The following PRELID2 variants were observed in gnomAD, a reference collection of about 807,000 sequenced individuals.
PRELID2 encodes the protein PRELI domain containing 2.
PRELID2 carries 25 observed loss-of-function variants against 28.4 expected under a neutral mutation model. The observed-to-expected ratio is 0.88, with a 90% CI of 0.64 to 1.23. The LOEUF (loss-of-function observed/expected upper bound fraction) is 1.23, where lower values mean the gene tolerates loss of function less well. Among genes scored for constraint, PRELID2 ranks in the 50% most tolerant of loss-of-function variants. The pLI, the probability that PRELID2 is intolerant of heterozygous loss-of-function variation, is 0.00. For missense variants in PRELID2, 201 were observed against 214.4 expected, an observed-to-expected ratio of 0.94 and a Z score of 0.39; for synonymous variants, 76 against 71.6, an observed-to-expected ratio of 1.06 and a Z score of -0.31.
At chr5:145,565,276 C>T (rs144062310) in intron 1 of PRELID2, among the ~76,000 whole-genome samples, 1 of 152,330 alleles carries the variant, frequency 6.6e-6, no homozygotes, top group Admixed American at 6.5e-5. Context: ...CTCCATTTGC[C>T]AGTGGCGATC....
At chr5:145,706,826 A>C (rs1409117736) in intron 1 of PRELID2, among the ~76,000 whole-genome samples, 1 of 152,176 alleles carries the variant, frequency 6.6e-6, no homozygotes, top group African/African-American at 2.4e-5. Context: ...GCTCAGAAAG[A>C]CTCAGTGTCT....
the PRELID2 span, among the ~76,000 whole-genome samples, chr5:145,378,872 A>G: frequency 3.9e-5 from 6 of 152,170 alleles, no homozygotes; most frequent in Non-Finnish European, 5.9e-5. Flanking sequence ...CTGGCTCTTT[A>G]AGTTGTCAGG....
At chr5:145,765,045 C>A in intron 5 of PRELID2, 45 bp from the exon 6 acceptor site, 1 of 1,327,288 alleles carries the variant, frequency 7.5e-7, no homozygotes, top group Non-Finnish European at 1.1e-6. Context: ...ATTTCACAGA[C>A]AAGTACTTTT....
Position 145,797,388 on chromosome 5 carries a change from A to G in PRELID2, c.369-841T>C, listed in dbSNP as rs914858084. Among the ~76,000 whole-genome samples the G allele has an allele frequency of 6.6e-5, 10 of 152,258 alleles. No individual in the cohort carries two copies. In the East Asian group the frequency reaches 1.2e-3, roughly 18 times the overall value. ...ATGATAGCTCCCTCCCACCCAGCAT[A>G]GTGTAACGCAATCAAGAAAAAACTC... On this transcript the variant is annotated intron_variant, in intron 4 of 6. Transcript: ENST00000683046.
chr5:145,336,366 G>A, the PRELID2 span, among the ~76,000 whole-genome samples: 6 of 151,126 alleles, frequency 4.0e-5, no homozygotes, highest in African/African-American at 1.5e-4. Context: ...TGTCCTGAAT[G>A]GTAATGCCTA....
At chr5:145,658,842 T>C (rs1323716706) in intron 1 of PRELID2, among the ~76,000 whole-genome samples, 2 of 152,096 alleles carry the variant, frequency 1.3e-5, no homozygotes, top group African/African-American at 4.8e-5. Context: ...ATAAGCTAGA[T>C]AGTTACAGAG....
intron 1 of PRELID2, among the ~76,000 whole-genome samples, chr5:145,684,220 C>G (rs956133391): frequency 6.6e-6 from 1 of 152,104 alleles, no homozygotes; most frequent in African/African-American, 2.4e-5. Context: ...AGTCAATAGT[C>G]CAGGGGTGAA....
At chr5:145,630,731 C>T (rs137931776) in intron 1 of PRELID2, among the ~76,000 whole-genome samples, 107 of 152,280 alleles carry the variant, frequency 7.0e-4, no homozygotes, top group African/African-American at 2.5e-3. Context: ...TGGTGGCATA[C>T]CATTGGCTGC....
chr5:145,263,920 T>A, the PRELID2 span, among the ~76,000 whole-genome samples: 1 of 148,576 alleles, frequency 6.7e-6, no homozygotes, highest in Admixed American at 6.7e-5. Context: ...TGAGATGGAG[T>A]CTCTCTGTCA....
intron 1 of PRELID2, among the ~76,000 whole-genome samples, chr5:145,831,642 A>G (rs1363347231): frequency 6.6e-6 from 1 of 152,230 alleles, no homozygotes; most frequent in African/African-American, 2.4e-5. Flanking sequence ...TTCCTTTATG[A>G]ATGAATAGAA....
intron 1 of PRELID2, among the ~76,000 whole-genome samples, chr5:145,576,537 A>G (rs1442339140): frequency 3.3e-5 from 5 of 152,150 alleles, no homozygotes; most frequent in Non-Finnish European, 4.4e-5. Flanking sequence ...GAGAGGGAAA[A>G]TAATATGGCA....
intron 1 of PRELID2, among the ~76,000 whole-genome samples, chr5:145,483,129 G>T (rs10463374): frequency 2.0e-5 from 3 of 151,968 alleles, no homozygotes; most frequent in African/African-American, 7.3e-5. Flanking sequence ...TCCAAAAATC[G>T]CCCACAATTG....
rs184405549 is a variant in PRELID2, at chr5:145,743,044, T to C, written n.70+21887A>G. On this transcript the variant is annotated intron_variant and non_coding_transcript_variant, in intron 1 of 2. Coordinates refer to the PRELID2 transcript ENST00000510259. Reference sequence around the variant, plus strand: ...GAAATAGAACATTTGAATAGCCCTTTCAAGTATTAAGAAAATTAGGGGGCG... The same window carrying C: ...GAAATAGAACATTTGAATAGCCCTTCCAAGTATTAAGAAAATTAGGGGGCG... Among the ~76,000 whole-genome samples the C allele has an allele frequency of 3.0e-4, 45 of 152,128 alleles. 1 individual carries two copies. In the East Asian group the frequency reaches 7.5e-3, roughly 25 times the overall value.
the PRELID2 span, among the ~76,000 whole-genome samples, chr5:145,378,103 G>A: frequency 1.3e-5 from 2 of 152,248 alleles, no homozygotes; most frequent in East Asian, 3.9e-4. Context: ...TAAGAAAGTT[G>A]GCTATAGGCT....
chr5:145,379,955 C>A, the PRELID2 span, among the ~76,000 whole-genome samples: 1 of 152,152 alleles, frequency 6.6e-6, no homozygotes, highest in Non-Finnish European at 1.5e-5. Flanking sequence ...GGCAAGACTA[C>A]CCTACAGAGT....
At chr5:145,580,883 TTGCTTAGCAAGA>T in intron 1 of PRELID2, among the ~76,000 whole-genome samples, 1 of 152,190 alleles carries the variant, frequency 6.6e-6, no homozygotes, top group South Asian at 2.1e-4. Context: ...CAGTTGAAAT[TTGCTTAGCAAGA>T]TGCCTGCTTG....
chr5:145,617,265 A>C (rs1233361685), intron 1 of PRELID2, among the ~76,000 whole-genome samples: 1 of 152,236 alleles, frequency 6.6e-6, no homozygotes, highest in African/African-American at 2.4e-5. Context: ...TGACAGGATT[A>C]AGATATTAAA....
chr5:145,722,021 C>G (rs1267780112), intron 1 of PRELID2, among the ~76,000 whole-genome samples: 2 of 152,148 alleles, frequency 1.3e-5, no homozygotes, highest in African/African-American at 4.8e-5. Context: ...TAGTATCCTA[C>G]ACCAGGTCAA....
the PRELID2 span, among the ~76,000 whole-genome samples, chr5:145,236,402 T>G: frequency 4.6e-5 from 7 of 152,180 alleles, no homozygotes; most frequent in Non-Finnish European, 8.8e-5. Flanking sequence ...ACTAACGCTG[T>G]GCATCAGCAA....
Sources: allele counts gnomAD v4.1 joint callset (sites outside exome capture counted in the v4.1 genomes callset), GRCh38; gene constraint gnomAD v4.1.1; transcripts MANE v1.5; gene names NCBI Gene and HGNC (gene_info 2026-07-23, HGNC 2026-07-21).